Variants in TBC1D5 observed in about 807,000 individuals in gnomAD.
TBC1D5 encodes TBC1 domain family, member 5.
A neutral mutation model predicts 100.3 loss-of-function variants in TBC1D5; 75 were observed. The observed-to-expected ratio is 0.75, with a 90% CI of 0.62 to 0.91. The LOEUF is 0.91. Among genes scored for constraint, TBC1D5 ranks in the 40% least tolerant of loss-of-function variants. The pLI is 0.00. For missense variants in TBC1D5, 910 were observed against 942.4 expected (o/e 0.97, Z 0.45); for synonymous variants, 323 against 325.6 (o/e 0.99, Z 0.09).
At chr3:17,229,351 A>G (rs1576135291) in intron 17 of TBC1D5, among the ~76,000 whole-genome samples, 1 of 152,302 alleles carries the variant, frequency 6.6e-6, no homozygotes, top group East Asian at 1.9e-4. Context: ...TCTTGCTGTC[A>G]CAAGAGTGAA....
rs145905410 is a variant in TBC1D5, at chr3:17,504,888, C to T, written c.97+3586G>A. On this transcript the variant is annotated intron_variant, in intron 3 of 21. Transcript: ENST00000253692. ...ATAGGACAGCATCATCTTATTATAT[C>T]GACATCAGTCAACTATTTTAAATTA... 9.5e-4 allele frequency among the ~76,000 whole-genome samples: 144 copies of T among 152,224 alleles called. 2 individuals carry two copies. The highest frequency in any genetic ancestry group is 3.2e-3 in the African/African-American group (133 of 41,528).
chr3:17,739,377 C>G (rs924077747), exon 1 of TBC1D5: 1 of 152,158 alleles, frequency 6.6e-6, no homozygotes, highest in African/African-American at 2.4e-5. Flanking sequence ...ACTTTTTCAG[C>G]GTTAAAATGT....
chr3:17,518,702 T>A (rs1387837949), intron 2 of TBC1D5, among the ~76,000 whole-genome samples: 3 of 152,262 alleles, frequency 2.0e-5, no homozygotes, highest in Non-Finnish European at 4.4e-5. Context: ...AGAGGGCAGC[T>A]GCCTCAGCAA....
intron 12 of TBC1D5, among the ~76,000 whole-genome samples, chr3:17,372,549 C>A (rs961662586): frequency 2.6e-5 from 4 of 152,118 alleles, no homozygotes; most frequent in Non-Finnish European, 5.9e-5. Flanking sequence ...GTTGTCTAAG[C>A]CACTTTTATA....
chr3:17,224,275 C>T (rs187177652), intron 17 of TBC1D5, among the ~76,000 whole-genome samples: 19 of 152,290 alleles, frequency 1.2e-4, no homozygotes, highest in Non-Finnish European at 2.6e-4. Context: ...TAAATGTTTG[C>T]TGATGTTCAA....
chr3:17,256,229 T>C (rs2077655958), intron 16 of TBC1D5, among the ~76,000 whole-genome samples: 1 of 152,040 alleles, frequency 6.6e-6, no homozygotes, highest in Non-Finnish European at 1.5e-5. Flanking sequence ...CACCGTCTAT[T>C]AACTATTTCC....
intron 4 of TBC1D5, among the ~76,000 whole-genome samples, chr3:17,407,862 TCAC>T (rs1427293762): frequency 6.6e-6 from 1 of 152,160 alleles, no homozygotes; most frequent in Non-Finnish European, 1.5e-5. Context: ...TGCATTTCTA[TCAC>T]CACTCCACAA....
chr3:17,213,733 CAAAAAAAAAAAAAA>C (rs71632897), intron 18 of TBC1D5, among the ~76,000 whole-genome samples: 2 of 61,052 alleles, frequency 3.3e-5, no homozygotes, highest in South Asian at 1.5e-3. Flanking sequence ...GACTCTGTCT[CAAAAAAAAAAAAAA>C]AAAAAAAAAA....
intron 2 of TBC1D5, among the ~76,000 whole-genome samples, chr3:17,567,125 G>T (rs1300727402): frequency 6.6e-6 from 1 of 151,610 alleles, no homozygotes; most frequent in African/African-American, 2.4e-5. Context: ...ATATGATTTG[G>T]TAATACATAT....
At chr3:17,340,153 A>C (rs1359016475) in intron 13 of TBC1D5, among the ~76,000 whole-genome samples, 1 of 152,146 alleles carries the variant, frequency 6.6e-6, no homozygotes, top group East Asian at 1.9e-4. Context: ...GTAAAGTAAC[A>C]CAAGAGGGAG....
At chr3:17,219,267 A>G (rs779810160) in intron 17 of TBC1D5, among the ~76,000 whole-genome samples, 3 of 151,648 alleles carry the variant, frequency 2.0e-5, no homozygotes, top group Non-Finnish European at 2.9e-5. Flanking sequence ...CTTTTTATAA[A>G]GCCCCTATTT....
In TBC1D5 at chr3:17,540,048, G is replaced by A. The variant is rs577541356; in HGVS notation, c.-35-31443C>T. Among the ~76,000 whole-genome samples the A allele has an allele frequency of 2.1e-4, 32 of 152,294 alleles. No homozygotes were observed. In the South Asian group the frequency reaches 6.2e-3, roughly 30 times the overall value. On this transcript the variant is annotated intron_variant, in intron 2 of 21. Coordinates refer to ENST00000253692, the Ensembl canonical transcript of TBC1D5. ...ATAGTAGCCATCCTAATGGGTGTAA[G>A]GTGGTATTTCATTATAGTTTTGATT...
chr3:17,531,214 T>C lies in TBC1D5; in HGVS notation c.-35-22609A>G, dbSNP rs371984292. ...AACAGACAAACAGAGAGCCAAGTCATGAGTGAACTCCCATTCACAATTGCT... is the reference window on the plus strand; with the variant it reads ...AACAGACAAACAGAGAGCCAAGTCACGAGTGAACTCCCATTCACAATTGCT... On this transcript the variant is annotated intron_variant, in intron 2 of 21. Coordinates refer to ENST00000253692, the Ensembl canonical transcript of TBC1D5. Among the ~76,000 whole-genome samples the C allele has an allele frequency of 1.6e-4, 25 of 152,298 alleles. No individual in the cohort carries two copies. The East Asian group carries it at 3.5e-3, about 21-fold the overall frequency.
intron 3 of TBC1D5, among the ~76,000 whole-genome samples, chr3:17,484,634 C>T (rs1350100169): frequency 6.6e-6 from 1 of 151,908 alleles, no homozygotes; most frequent in African/African-American, 2.4e-5. Context: ...AGGTGTATGC[C>T]ATTATGCTTG....
At chr3:17,536,209 G>C (rs1026181260) in intron 2 of TBC1D5, among the ~76,000 whole-genome samples, 4 of 152,038 alleles carry the variant, frequency 2.6e-5, no homozygotes, top group Admixed American at 2.6e-4. Flanking sequence ...GCTTAATACA[G>C]ATCTGTTTCT....
intron 18 of TBC1D5, among the ~76,000 whole-genome samples, chr3:17,194,135 C>T (rs987326487): frequency 6.6e-6 from 1 of 152,152 alleles, no homozygotes; most frequent in Non-Finnish European, 1.5e-5. Context: ...CCATGGACCA[C>T]AATTTGGATG....
intron 3 of TBC1D5, among the ~76,000 whole-genome samples, chr3:17,467,434 A>G (rs2095320370): frequency 1.3e-5 from 2 of 152,058 alleles, no homozygotes; most frequent in Admixed American, 1.3e-4. Context: ...TCCAGGTTCA[A>G]TCTAGACCTT....
intron 2 of TBC1D5, among the ~76,000 whole-genome samples, chr3:17,611,814 T>TA (rs1180661220): frequency 1.3e-5 from 2 of 152,232 alleles, no homozygotes; most frequent in Admixed American, 6.5e-5. Context: ...TTCTATGTTA[T>TA]AATGCCTATA....
intron 15 of TBC1D5, among the ~76,000 whole-genome samples, chr3:17,274,702 A>C (rs1342998733): frequency 3.9e-5 from 6 of 152,132 alleles, no homozygotes; most frequent in Non-Finnish European, 8.8e-5. Context: ...TACAATACCC[A>C]CTTTAAGTAG....
Sources: allele counts gnomAD v4.1 joint callset (sites outside exome capture counted in the v4.1 genomes callset), GRCh38; gene constraint gnomAD v4.1.1; transcripts MANE v1.5; gene names NCBI Gene and HGNC (gene_info 2026-07-23, HGNC 2026-07-21).